DLC1: variants seen among roughly 807,000 people sequenced by gnomAD.
The protein encoded by DLC1 is rho GTPase-activating protein 7.
A neutral mutation model predicts 140.3 loss-of-function variants in DLC1; 54 were observed. The ratio of observed to expected loss-of-function variants is 0.38; its 90% CI spans 0.31 to 0.48. DLC1 has a LOEUF of 0.48. Among genes scored for constraint, DLC1 ranks in the 20% least tolerant of loss-of-function variants. DLC1 has a pLI of 0.96. For missense variants in DLC1, 2,536 were observed against 1,907.0 expected (o/e 1.33, Z -6.14); for synonymous variants, 986 against 728.1 (o/e 1.35, Z -5.70).
intron 2 of DLC1, among the ~76,000 whole-genome samples, chr8:13,449,030 A>C (rs1476802276): frequency 6.6e-6 from 1 of 152,140 alleles, no homozygotes; most frequent in Non-Finnish European, 1.5e-5. Context: ...CAGGCATTTC[A>C]TGGATTACTG....
intron 5 of DLC1, among the ~76,000 whole-genome samples, chr8:13,206,591 A>G (rs1013761548): frequency 6.6e-6 from 1 of 152,190 alleles, no homozygotes; most frequent in African/African-American, 2.4e-5. Context: ...AACCACAGAA[A>G]GAATTCTAGG....
At chr8:13,306,753 A>T (rs1832454430) in intron 4 of DLC1, among the ~76,000 whole-genome samples, 1 of 152,062 alleles carries the variant, frequency 6.6e-6, no homozygotes, top group Non-Finnish European at 1.5e-5. Flanking sequence ...TTTGTGATTG[A>T]TGCAATAATT....
intron 1 of DLC1, among the ~76,000 whole-genome samples, chr8:13,525,529 C>T (rs1323302419): frequency 6.6e-6 from 1 of 152,130 alleles, no homozygotes; most frequent in Admixed American, 6.6e-5. Flanking sequence ...TTTAGCCATT[C>T]TAATAGATGT....
intron 5 of DLC1, among the ~76,000 whole-genome samples, chr8:13,182,901 A>C (rs556072931): frequency 6.6e-6 from 1 of 152,308 alleles, no homozygotes; most frequent in East Asian, 1.9e-4. Flanking sequence ...TCTGTAAATT[A>C]GCTTGGGCAG....
At chr8:13,595,954 C>G (rs1213851327) in intron 1 of DLC1, among the ~76,000 whole-genome samples, 1 of 151,902 alleles carries the variant, frequency 6.6e-6, no homozygotes, top group Non-Finnish European at 1.5e-5. Context: ...TACAAAATAA[C>G]ATATTAGGAA....
chr8:13,514,824 A>G lies in DLC1; in HGVS notation c.-348T>C, dbSNP rs1802530894. On this transcript the variant is annotated 5_prime_UTR_variant, in exon 1 of 18. Coordinates refer to ENST00000276297, the MANE Select transcript of DLC1 (RefSeq NM_182643.3). Reference sequence around the variant, plus strand: ...GGCAGGATCCTGTCAAGGCATTCCTAGTGACTTCTGTCTACTAAATTCAGA... The same window carrying G: ...GGCAGGATCCTGTCAAGGCATTCCTGGTGACTTCTGTCTACTAAATTCAGA... 1 of 394,138 alleles carries G rather than the reference A, an allele frequency of 2.5e-6. No individual in the cohort carries two copies. The highest frequency in any genetic ancestry group is 1.4e-4 in the South Asian group (1 of 7,008). The allele number at this position is 394,138 out of a possible 1,614,324, so 24.4% of individuals were successfully genotyped here. A position where few individuals can be genotyped will look rare whatever the true frequency, so the allele number is the denominator to read the frequency against.
chr8:13,331,421 C>G (rs1403225324), intron 4 of DLC1, among the ~76,000 whole-genome samples: 9 of 152,028 alleles, frequency 5.9e-5, no homozygotes, highest in Non-Finnish European at 1.0e-4. Flanking sequence ...TCAATAAAGG[C>G]AACACTCCAA....
intron 5 of DLC1, among the ~76,000 whole-genome samples, chr8:13,200,775 T>C (rs1176959878): frequency 6.6e-6 from 1 of 152,074 alleles, no homozygotes; most frequent in African/African-American, 2.4e-5. Flanking sequence ...TCAAATTGTT[T>C]TTTGTGGAGA....
In DLC1 at chr8:13,442,913, A is replaced by C. The variant is rs139831921; in HGVS notation, c.1024-41294T>G. Among the ~76,000 whole-genome samples the C allele has an allele frequency of 3.2e-3, 480 of 152,328 alleles. 10 individuals carry two copies. The South Asian group carries it at 0.058, about 18-fold the overall frequency. On this transcript the variant is annotated intron_variant, in intron 2 of 17. Coordinates refer to ENST00000276297, the MANE Select transcript of DLC1 (RefSeq NM_182643.3). ...TAAAGACACATGCACGCATATGTTT[A>C]TTGTGGCAGTATTCACAATAGCAAA...
At chr8:13,304,543 T>C in intron 5 of DLC1, 1 of 472,132 alleles carries the variant, frequency 2.1e-6, no homozygotes, top group Non-Finnish European at 2.8e-6. Flanking sequence ...TTCTCTAAGG[T>C]GAGACTATAA....
intron 1 of DLC1, among the ~76,000 whole-genome samples, chr8:13,589,509 T>C (rs1008098487): frequency 1.3e-5 from 2 of 152,054 alleles, no homozygotes; most frequent in African/African-American, 4.8e-5. Context: ...TGAGTTCATT[T>C]TGCAACGCAG....
chr8:13,201,375 G>A (rs950897501), intron 5 of DLC1, among the ~76,000 whole-genome samples: 1 of 152,116 alleles, frequency 6.6e-6, no homozygotes, highest in African/African-American at 2.4e-5. Context: ...AGATCACTTT[G>A]AGTGTAAAAC....
At chr8:13,144,135 C>G (rs936237751) in intron 5 of DLC1, among the ~76,000 whole-genome samples, 6 of 152,194 alleles carry the variant, frequency 3.9e-5, no homozygotes, top group Non-Finnish European at 8.8e-5. Context: ...AGATCTCTCA[C>G]CCAATTTGGA....
rs34697767 is a variant in DLC1, at chr8:13,295,938, C to CTTTTTTTTTTTTTTTTTTTTTTTTTTTT, written c.1348+9330_1348+9331insAAAAAAAAAAAAAAAAAAAAAAAAAAAA. On this transcript the variant is annotated intron_variant, in intron 5 of 17. Coordinates refer to ENST00000276297, the MANE Select transcript of DLC1 (RefSeq NM_182643.3). ...ATCTAAGAGATGATCAGATAAGATT[C>CTTTTTTTTTTTTTTTTTTTTTTTTTTTT]TTTGTTTTTTTTTTTTTTTTTTTTT... Among the ~76,000 whole-genome samples the CTTTTTTTTTTTTTTTTTTTTTTTTTTTT allele has an allele frequency of 7.5e-5, 4 of 53,344 alleles. 1 individual carries two copies. Among genetic ancestry groups the CTTTTTTTTTTTTTTTTTTTTTTTTTTTT allele is most frequent in the Non-Finnish European group, 1.1e-4 (3 of 27,138 alleles). 35.0% of individuals were successfully genotyped at this position (53,344 alleles called of 152,430 possible). A position where few individuals can be genotyped will look rare whatever the true frequency, so the allele number is the denominator to read the frequency against.
chr8:13,151,356 T>G (rs1585778605), intron 5 of DLC1, among the ~76,000 whole-genome samples: 2 of 152,144 alleles, frequency 1.3e-5, no homozygotes, highest in Admixed American at 1.3e-4. Context: ...CACAACAATC[T>G]TATGATTATT....
In DLC1 at chr8:13,276,366, G is replaced by A. The variant is rs529430988; in HGVS notation, c.1348+28903C>T. ...GGACCTCCGGAGAGGGGCTCGCAGG[G>A]GGCGCGCCATCACGTGGGCCTTGGG... On this transcript the variant is annotated intron_variant, in intron 5 of 17. Transcript: ENST00000276297. 3.9e-6 allele frequency: 6 copies of A among 1,520,928 alleles called. No individual in the cohort carries two copies. In the South Asian group the frequency reaches 7.2e-5, roughly 18 times the overall value. The allele number at this position is 1,520,928 out of a possible 1,614,324, so 94.2% of individuals were successfully genotyped here.
At chr8:13,094,152 A>C (rs1479568126) in intron 12 of DLC1, among the ~76,000 whole-genome samples, 1 of 152,228 alleles carries the variant, frequency 6.6e-6, no homozygotes, top group African/African-American at 2.4e-5. Flanking sequence ...CCTGATCTTT[A>C]TCTGACCAGC....
In DLC1 at chr8:13,578,700, A is replaced by G. The variant is rs189901877; in HGVS notation, c.-126+25837T>C. 7.2e-5 allele frequency among the ~76,000 whole-genome samples: 11 copies of G among 152,298 alleles called. No individual in the cohort carries two copies. In the East Asian group the frequency reaches 1.9e-3, roughly 27 times the overall value. On this transcript the variant is annotated intron_variant, in intron 1 of 1. Coordinates refer to the DLC1 transcript ENST00000631382. ...CTGGTTTATTATAAAGGATATTACAAAAGAAACAGATGAAGAGATGCACAG... is the reference window on the plus strand; with the variant it reads ...CTGGTTTATTATAAAGGATATTACAGAAGAAACAGATGAAGAGATGCACAG...
intron 5 of DLC1, among the ~76,000 whole-genome samples, chr8:13,219,428 A>ATAATTCATATAATTATACTTATG (rs1563174825): frequency 4.9e-5 from 7 of 143,900 alleles, no homozygotes; most frequent in African/African-American, 1.8e-4. Flanking sequence ...TTATACTTAT[A>ATAATTCATATAATTATACTTATG]TAATTATAAT....
Sources: allele counts gnomAD v4.1 joint callset (sites outside exome capture counted in the v4.1 genomes callset), GRCh38; gene constraint gnomAD v4.1.1; transcripts MANE v1.5; gene names NCBI Gene and HGNC (gene_info 2026-07-23, HGNC 2026-07-21).